Variants in RBBP6 observed in about 807,000 individuals in gnomAD.
RBBP6 encodes the protein RB binding protein 6, ubiquitin ligase.
A neutral mutation model predicts 167.7 loss-of-function variants in RBBP6; 25 were observed. The observed-to-expected ratio is 0.15, with a 90% CI of 0.11 to 0.21. The LOEUF is 0.21. Among genes scored for constraint, RBBP6 ranks in the 10% least tolerant of loss-of-function variants. The probability of loss-of-function intolerance (pLI) is 1.00; values close to 1 mark genes in which losing one functional copy is unlikely to be tolerated. For synonymous variants in RBBP6, 789 were observed against 735.8 expected, an observed-to-expected ratio of 1.07 and a Z score of -1.17; for missense variants, 1,868 against 2,134.2, an observed-to-expected ratio of 0.88 and a Z score of 2.46.
At chr16:24,555,504 T>C in intron 4 of RBBP6, 111 bp from the exon 5 acceptor site, 2 of 816,100 alleles carry the variant, frequency 2.5e-6, no homozygotes, top group South Asian at 3.4e-5. Flanking sequence ...TAGCTGTTTT[T>C]ATGCAAGATT....
At chr16:24,543,163 C>CT (rs1170287591) in intron 1 of RBBP6, among the ~76,000 whole-genome samples, 3 of 152,022 alleles carry the variant, frequency 2.0e-5, no homozygotes, top group Non-Finnish European at 4.4e-5. Flanking sequence ...CTATGGTAAT[C>CT]TTTTTATCAC....
In RBBP6 at chr16:24,568,810, C is replaced by G; in HGVS notation, c.2120C>G (p.Ser707Cys). The G allele has an allele frequency of 6.2e-7, 1 of 1,614,228 alleles. No homozygotes were observed. The highest frequency in any genetic ancestry group is 8.5e-7 in the Non-Finnish European group (1 of 1,180,044). ...TCATATACTTATTCTAAATCAAGAT[C>G]TGGTTCAACACGTTCACGCTCTTAT... ...RSSYTYSKSR[S>C]GSTRSRSYSR... Residue 707 changes from serine (S) to cysteine (C), a missense_variant, in exon 17 of 18, where the codon TCT becomes TGT. Coordinates refer to ENST00000319715, the MANE Select transcript of RBBP6 (RefSeq NM_006910.5).
rs1899269673 is a variant in RBBP6 at position 24,569,361 on chromosome 16, A to C, written c.2671A>C (p.Ser891Arg). ...CTATGTTGGTGGGCAAAGTCATAGA[A>C]GTCGAAACATAGGTAGCAACTATCC... The part of the protein sequence containing the change: ...EDYVGGQSHR[S>R]RNIGSNYPEK... The change falls in exon 17 of 18, where the codon AGT becomes CGT. Residue 891 changes from serine (S) to arginine (R), a missense_variant. Coordinates refer to ENST00000319715, the MANE Select transcript of RBBP6 (RefSeq NM_006910.5). 1 of 1,614,066 alleles carries C rather than the reference A, an allele frequency of 6.2e-7. No homozygotes were observed. Among genetic ancestry groups the C allele is most frequent in the Non-Finnish European group, 8.5e-7 (1 of 1,180,050 alleles).
chr16:24,548,690 G>A (rs940894386), intron 2 of RBBP6, among the ~76,000 whole-genome samples: 1 of 152,104 alleles, frequency 6.6e-6, no homozygotes, highest in Non-Finnish European at 1.5e-5. Flanking sequence ...TTTGTTTTAA[G>A]TGGCAGGGTA....
At position 24,572,321 on chromosome 16, in the gene RBBP6, G is replaced by A; in HGVS notation, c.5255G>A (p.Gly1752Asp). The change falls in exon 18 of 18, where the codon GGC becomes GAC. Residue 1752 changes from glycine (G) to aspartate (D), a missense_variant. Gly to Asp is a moderately conservative substitution (Grantham distance 94, BLOSUM62 -1). Transcript: ENST00000319715. ...CATAAGAAGCATAAGAAACATGCAG[G>A]CACTGAAGTGGAATTGGAAAAAAGC... is the stretch of plus-strand genomic sequence containing the variant. ...KKHKKHKKHA[G>D]TEVELEKSQK... 6.4e-7 allele frequency: 1 copy of A among 1,566,030 alleles called. No homozygotes were observed. The highest frequency in any genetic ancestry group is 1.2e-5 in the South Asian group (1 of 86,074).
chr16:24,563,095 A>T, intron 10 of RBBP6, 104 bp from the exon 11 acceptor site: 1 of 792,990 alleles, frequency 1.3e-6, no homozygotes, highest in Non-Finnish European at 2.0e-6. Flanking sequence ...CTTTGACTTA[A>T]CTCATCTTAA....
chr16:24,548,901 C>A, intron 2 of RBBP6, 44 bp from the exon 3 acceptor site: 2 of 1,489,674 alleles, frequency 1.3e-6, no homozygotes, highest in Non-Finnish European at 1.8e-6. Flanking sequence ...CACAAAAATT[C>A]ATAAATAGCT....
chr16:24,544,198 A>T (rs1213092572), intron 1 of RBBP6, among the ~76,000 whole-genome samples: 3 of 152,214 alleles, frequency 2.0e-5, no homozygotes, highest in Non-Finnish European at 4.4e-5. Flanking sequence ...ACTTCCTGTC[A>T]GGTGTTTGAC....
At chr16:24,550,278 G>A (rs536837299) in intron 3 of RBBP6, among the ~76,000 whole-genome samples, 2 of 151,212 alleles carry the variant, frequency 1.3e-5, no homozygotes, top group Non-Finnish European at 3.0e-5. Flanking sequence ...AGTTCTTGTG[G>A]AACTAAATAC....
intron 8 of RBBP6, among the ~76,000 whole-genome samples, chr16:24,561,220 AAG>A (rs1899046304): frequency 6.6e-6 from 1 of 152,158 alleles, no homozygotes; most frequent in Non-Finnish European, 1.5e-5. Context: ...GTCTTTGAGA[AAG>A]AGTGCTTTTG....
At chr16:24,555,739 T>C (rs1222885380) in intron 5 of RBBP6, 36 bp downstream of exon 5, 2 of 1,599,262 alleles carry the variant, frequency 1.3e-6, no homozygotes, top group Admixed American at 1.7e-5. Flanking sequence ...ATAGGAACTT[T>C]TGGGGTGGGT....
chr16:24,541,250 C>A (rs1003991586), intron 1 of RBBP6, among the ~76,000 whole-genome samples: 1 of 147,844 alleles, frequency 6.8e-6, no homozygotes, highest in African/African-American at 2.5e-5. Context: ...AGTTTGATGG[C>A]AAATTTTATG....
At chr16:24,567,573 CTG>C in intron 15 of RBBP6, 68 bp downstream of exon 15, 1 of 1,489,334 alleles carries the variant, frequency 6.7e-7, no homozygotes, top group Non-Finnish European at 9.0e-7. Flanking sequence ...AAATAGGTGT[CTG>C]GAAACGTTTT....
intron 7 of RBBP6, chr16:24,558,383 TC>T: frequency 2.8e-6 from 2 of 719,728 alleles, no homozygotes; most frequent in Non-Finnish European, 3.4e-6. Context: ...CCTCTTTTTT[TC>T]TTTTTTTTTT....
chr16:24,570,450 A>G lies in RBBP6; in HGVS notation c.3760A>G (p.Lys1254Glu), dbSNP rs1177130905. The change falls in exon 17 of 18, where the codon AAA becomes GAA. Residue 1254 changes from lysine to glutamate, a missense_variant. Coordinates refer to ENST00000319715, the MANE Select transcript of RBBP6 (RefSeq NM_006910.5). ...QEKVKGKVRR[K>E]VTGTEGSSST... The stretch of plus-strand genomic sequence containing the variant: ...AAAAGTCAAAGGAAAGGTCAGACGA[A>G]AAGTGACTGGAACTGAAGGATCCAG... The G allele has an allele frequency of 2.5e-6, 4 of 1,603,756 alleles. No homozygotes were observed. Among genetic ancestry groups the G allele is most frequent in the Non-Finnish European group, 3.4e-6 (4 of 1,177,786 alleles).
At chr16:24,549,126 T>A (rs1567272097) in intron 3 of RBBP6, 145 bp downstream of exon 3, 8 of 1,493,060 alleles carry the variant, frequency 5.4e-6, no homozygotes, top group Non-Finnish European at 6.3e-6. Context: ...ACAGCTCAGT[T>A]GAATATGGAT....
chr16:24,539,609 A>C lies in RBBP6; in HGVS notation c.-1018A>C, dbSNP rs9922288. The C allele has an allele frequency of 2.0e-5, 3 of 152,136 alleles. No individual in the cohort carries two copies. Among genetic ancestry groups the C allele is most frequent in the South Asian group, 2.1e-4 (1 of 4,824 alleles). 9.4% of individuals were successfully genotyped at this position (152,136 alleles called of 1,614,324 possible). ...GAAGCCAGGCCGCGTCCGCCATAGTACCTGGCTTGGAGGTGTCGCCGCCGC... is the reference window on the plus strand; with the variant it reads ...GAAGCCAGGCCGCGTCCGCCATAGTCCCTGGCTTGGAGGTGTCGCCGCCGC... On this transcript the variant is annotated 5_prime_UTR_variant, in exon 1 of 18. Transcript: ENST00000319715.
rs774000723 is a variant in RBBP6, at chr16:24,571,242, A to C, written c.4176A>C (p.Ser1392=). 3.1e-6 allele frequency: 5 copies of C among 1,612,472 alleles called. No homozygotes were observed. The East Asian group carries it at 8.9e-5, about 29-fold the overall frequency. The change falls in exon 18 of 18, where the codon TCA becomes TCC. Residue 1392 remains serine, a synonymous_variant. Transcript: ENST00000319715. ...HEIIQHEVKS[S]KNSASSEKGK... ...TCATACAACATGAGGTTAAAAGTTC[A>C]AAAAACTCTGCATCTAGTGAAAAAG... is the stretch of plus-strand genomic sequence containing the variant.
chr16:24,559,617 A>C lies in RBBP6; in HGVS notation c.787A>C (p.Lys263Gln), dbSNP rs1596507219. 1 of 1,604,580 alleles carries C rather than the reference A, an allele frequency of 6.2e-7. No homozygotes were observed. The highest frequency in any genetic ancestry group is 8.5e-7 in the Non-Finnish European group (1 of 1,175,010). ...IPDELLCLIC[K>Q]DIMTDAVVIP... is the part of the protein sequence containing the mutation. ...AGATGAATTGTTGTGTCTCATCTGC[A>C]AGGATATTATGACTGATGCTGTTGT... Residue 263 changes from lysine to glutamine, a missense_variant, in exon 8 of 18, where the codon AAG becomes CAG. By Grantham distance (53) the Lys-to-Gln change is moderately conservative (BLOSUM62 1). Coordinates refer to ENST00000319715, the MANE Select transcript of RBBP6 (RefSeq NM_006910.5).
Sources: allele counts gnomAD v4.1 joint callset (sites outside exome capture counted in the v4.1 genomes callset), GRCh38; gene constraint gnomAD v4.1.1; transcripts MANE v1.5; gene names NCBI Gene and HGNC (gene_info 2026-07-23, HGNC 2026-07-21).